CFAP47: variants seen among roughly 807,000 people sequenced by gnomAD.
CFAP47 encodes the protein cilia- and flagella-associated protein 47.
In CFAP47, 29 loss-of-function variants were observed where a neutral mutation model predicts 148.1. The ratio of observed to expected loss-of-function variants is 0.20; its 90% CI spans 0.15 to 0.27. The LOEUF (loss-of-function observed/expected upper bound fraction) is 0.27. Ranked by LOEUF, CFAP47 falls within the 10% of genes least tolerant of loss-of-function variation. CFAP47 has a pLI of 1.00. For missense variants in CFAP47, 1,872 were observed against 1,697.5 expected, an observed-to-expected ratio of 1.10 and a Z score of -1.81; for synonymous variants, 664 against 577.3, an observed-to-expected ratio of 1.15 and a Z score of -2.15.
chrX:36,052,499 A>G (rs1937524200), intron 26 of CFAP47, among the ~76,000 whole-genome samples: 1 of 110,316 alleles, frequency 9.1e-6, no homozygotes, highest in Admixed American at 9.5e-5. Flanking sequence ...ATTAATCAAT[A>G]CATTCAGACT....
chrX:36,379,189 A>AT (rs1306863322), intron 62 of CFAP47, among the ~76,000 whole-genome samples, 161 bp from the exon 63 acceptor site: 2 of 111,988 alleles, frequency 1.8e-5, no homozygotes, highest in African/African-American at 3.2e-5. Flanking sequence ...GACTTCAGTA[A>AT]TTTTTTTTAA....
chrX:36,110,935 T>C (rs1938545279), intron 33 of CFAP47, among the ~76,000 whole-genome samples: 1 of 112,014 alleles, frequency 8.9e-6, no homozygotes. Context: ...ATGCTAGTGA[T>C]TTTTCTGTAT....
intron 62 of CFAP47, among the ~76,000 whole-genome samples, chrX:36,373,943 A>T (rs192384015): frequency 1.8e-5 from 2 of 111,654 alleles, no homozygotes; most frequent in Admixed American, 1.9e-4. Flanking sequence ...GCCTTTTAAT[A>T]TATTGGCAGA....
chrX:36,372,577 G>A (rs901984508), intron 62 of CFAP47, among the ~76,000 whole-genome samples: 1 of 111,103 alleles, frequency 9.0e-6, no homozygotes, highest in Non-Finnish European at 1.9e-5. Flanking sequence ...ATTGCCTATT[G>A]CTTCTAGGCT....
intron 35 of CFAP47, among the ~76,000 whole-genome samples, chrX:36,140,899 T>C (rs760227212): frequency 1.2e-4 from 13 of 111,103 alleles, no homozygotes; most frequent in African/African-American, 2.9e-4. Context: ...AAAAATACTA[T>C]GGAATTGTTT....
chrX:36,261,687 T>G (rs991792555), intron 49 of CFAP47, among the ~76,000 whole-genome samples: 5 of 111,237 alleles, frequency 4.5e-5, no homozygotes, highest in Non-Finnish European at 9.4e-5. Flanking sequence ...AGAATTTTTC[T>G]TAGTACAGAA....
chrX:36,137,619 T>A (rs185703999), intron 33 of CFAP47, among the ~76,000 whole-genome samples: 1 of 110,968 alleles, frequency 9.0e-6, no homozygotes, highest in Non-Finnish European at 1.9e-5. Flanking sequence ...TTACCCATGT[T>A]GATGATCATT....
intron 8 of CFAP47, among the ~76,000 whole-genome samples, chrX:35,961,368 T>C (rs1299341400): frequency 8.9e-6 from 1 of 111,834 alleles, no homozygotes; most frequent in East Asian, 2.8e-4. Flanking sequence ...TTCTTTTAAA[T>C]TTTTTGTAAA....
chrX:36,206,308 T>C (rs782646054), intron 45 of CFAP47, among the ~76,000 whole-genome samples: 2 of 112,139 alleles, frequency 1.8e-5, no homozygotes, highest in African/African-American at 6.5e-5. Context: ...ATGGATAACT[T>C]GTTTTAGTAA....
intron 18 of CFAP47, among the ~76,000 whole-genome samples, chrX:35,994,010 C>T (rs1441068040): frequency 9.0e-6 from 1 of 111,398 alleles, no homozygotes; most frequent in Non-Finnish European, 1.9e-5. Context: ...CGCCTGTAAT[C>T]CCAGCACTTT....
rs17273000 is a variant in CFAP47 at position 36,062,113 on chromosome X, C to T, written c.4218-3530C>T. On this transcript the variant is annotated intron_variant, in intron 26 of 63. Coordinates refer to ENST00000378653, the MANE Select transcript of CFAP47 (RefSeq NM_001304548.2). ...CTATAAACCTGGAGGCTTTCTTGCT[C>T]TGTCCATTTCTCTGTGAATTAAAAT... is the stretch of plus-strand genomic sequence containing the variant. 2.7e-3 allele frequency among the ~76,000 whole-genome samples: 296 copies of T among 111,340 alleles called. 5 individuals are homozygous for T. The East Asian group carries it at 0.049, about 18-fold the overall frequency.
chrX:35,933,076 T>C (rs868473621), intron 2 of CFAP47, among the ~76,000 whole-genome samples: 1 of 112,414 alleles, frequency 8.9e-6, no homozygotes, highest in Middle Eastern at 4.6e-3. Flanking sequence ...ATAATTCAGT[T>C]ACAGTCTTTT....
intron 10 of CFAP47, among the ~76,000 whole-genome samples, chrX:35,970,140 C>A (rs1415980892): frequency 1.0e-5 from 1 of 99,436 alleles, no homozygotes; most frequent in East Asian, 3.4e-4. Context: ...TTGAGGTAGA[C>A]CAAAGCCAGA....
At chrX:36,129,511 A>AAC (rs1219251655) in intron 33 of CFAP47, among the ~76,000 whole-genome samples, 37 of 111,386 alleles carry the variant, frequency 3.3e-4, no homozygotes, top group Non-Finnish European at 6.5e-4. Context: ...TAGAGTTCAC[A>AAC]TATCTTCATA....
At chrX:36,171,200 C>A (rs1290644450) in intron 39 of CFAP47, among the ~76,000 whole-genome samples, 17 of 106,241 alleles carry the variant, frequency 1.6e-4, no homozygotes, top group African/African-American at 5.6e-4. Context: ...GATATTAGCC[C>A]TTTGTCAGAT....
At chrX:36,269,024 A>T (rs1940927951) in intron 49 of CFAP47, among the ~76,000 whole-genome samples, 1 of 112,057 alleles carries the variant, frequency 8.9e-6, no homozygotes, top group Non-Finnish European at 1.9e-5. Context: ...CTTTTAAAAT[A>T]TGTCAGTATT....
intron 33 of CFAP47, among the ~76,000 whole-genome samples, chrX:36,112,751 T>C (rs1938576385): frequency 9.0e-6 from 1 of 111,619 alleles, no homozygotes; most frequent in Non-Finnish European, 1.9e-5. Flanking sequence ...TTTGAAGGTC[T>C]CTAAGAACTT....
chrX:36,301,228 AAT>A (rs1556007784), intron 53 of CFAP47, 49 bp downstream of exon 53: 1 of 662,952 alleles, frequency 1.5e-6, no homozygotes, highest in African/African-American at 2.2e-5. Context: ...AAAAATAGTT[AAT>A]CTATTACAAT....
At chrX:36,129,304 A>G (rs1438975756) in intron 33 of CFAP47, among the ~76,000 whole-genome samples, 1 of 109,830 alleles carries the variant, frequency 9.1e-6, no homozygotes, top group Admixed American at 9.8e-5. Flanking sequence ...TTTATTTTCA[A>G]TTTTTTTCTT....
Sources: gnomAD v4.1 joint callset for allele counts (sites outside exome capture counted in the v4.1 genomes callset) on GRCh38, gnomAD v4.1.1 for gene constraint, MANE v1.5 for transcripts, NCBI Gene and HGNC (gene_info 2026-07-23, HGNC 2026-07-21) for gene names.